TULP4: variants seen among roughly 807,000 people sequenced by gnomAD.
The protein encoded by TULP4 is TUB like protein 4.
Under a neutral mutation model 129.0 loss-of-function variants are expected in TULP4, and 16 were observed. That is an observed-to-expected ratio of 0.12 (90% CI 0.08 to 0.19). The LOEUF (loss-of-function observed/expected upper bound fraction) is 0.19. TULP4 is among the 10% of genes least tolerant of loss of function. The pLI is 1.00. For missense variants in TULP4, 1,842 were observed against 2,059.1 expected (o/e 0.89, Z 2.04); for synonymous variants, 998 against 854.0 (o/e 1.17, Z -2.94).
At chr6:158,318,447 C>G (rs1779542152) in intron 1 of TULP4, among the ~76,000 whole-genome samples, 1 of 152,192 alleles carries the variant, frequency 6.6e-6, no homozygotes, top group Admixed American at 6.5e-5. Flanking sequence ...CATCCTACTG[C>G]CCAGTGCCTG....
chr6:158,506,729 G>T lies in TULP4; in HGVS notation c.*35G>T, dbSNP rs1013663745. 6.9e-7 allele frequency: 1 copy of T among 1,444,102 alleles called. No individual in the cohort carries two copies. Among genetic ancestry groups the T allele is most frequent in the Non-Finnish European group, 9.7e-7 (1 of 1,026,674 alleles). The allele number at this position is 1,444,102 out of a possible 1,614,324, so 89.5% of individuals were successfully genotyped here. ...TGTGGGGAGGAGAGAGATGCAGAGA[G>T]CCTTTGGAAGAGGTCTTCGGAGATG... On this transcript the variant is annotated 3_prime_UTR_variant, in exon 14 of 14. Transcript: ENST00000367097.
At chr6:158,491,562 G>A (rs936591645) in intron 9 of TULP4, among the ~76,000 whole-genome samples, 2 of 151,228 alleles carry the variant, frequency 1.3e-5, no homozygotes, top group Admixed American at 6.6e-5. Context: ...GCATGATCTC[G>A]GCTCACTGCA....
intron 1 of TULP4, among the ~76,000 whole-genome samples, chr6:158,383,524 A>G (rs1454378953): frequency 6.6e-6 from 1 of 152,266 alleles, no homozygotes; most frequent in Non-Finnish European, 1.5e-5. Flanking sequence ...GTGGATAACT[A>G]TAAGGAGATG....
chr6:158,495,840 CAA>C (rs1011032076), intron 11 of TULP4, among the ~76,000 whole-genome samples: 6 of 142,532 alleles, frequency 4.2e-5, no homozygotes, highest in African/African-American at 1.6e-4. Flanking sequence ...AACTACGTCT[CAA>C]GAAAAAAAAA....
chr6:158,392,250 G>A (rs748473983), intron 1 of TULP4, among the ~76,000 whole-genome samples: 28 of 152,086 alleles, frequency 1.8e-4, no homozygotes, highest in Admixed American at 3.3e-4. Context: ...TCACTATCAC[G>A]ACAACAGCAT....
chr6:158,257,121 G>C (rs182450458), intron 1 of TULP4, among the ~76,000 whole-genome samples: 1 of 152,298 alleles, frequency 6.6e-6, no homozygotes, highest in East Asian at 1.9e-4. Flanking sequence ...GTAGGTTGGA[G>C]AAAATGGACT....
At chr6:158,331,519 C>T (rs987186000) in intron 1 of TULP4, among the ~76,000 whole-genome samples, 1 of 151,414 alleles carries the variant, frequency 6.6e-6, no homozygotes, top group Non-Finnish European at 1.5e-5. Flanking sequence ...TATTTTCTAG[C>T]TTAACAAGAT....
chr6:158,307,381 A>T (rs1170416431), intron 1 of TULP4, among the ~76,000 whole-genome samples: 1 of 152,236 alleles, frequency 6.6e-6, no homozygotes, highest in Non-Finnish European at 1.5e-5. Flanking sequence ...AACAAGTGGT[A>T]GTTTCTCAAA....
intron 6 of TULP4, among the ~76,000 whole-genome samples, chr6:158,467,834 C>T (rs186051136): frequency 2.9e-4 from 44 of 152,310 alleles, no homozygotes; most frequent in Non-Finnish European, 5.0e-4. Flanking sequence ...CTTTGCACCA[C>T]GCCTGGAACA....
intron 1 of TULP4, among the ~76,000 whole-genome samples, chr6:158,342,829 C>T (rs755990477): frequency 2.6e-5 from 4 of 152,044 alleles, no homozygotes; most frequent in Admixed American, 2.0e-4. Flanking sequence ...AGGATTAAGT[C>T]GAATAATGTA....
At chr6:158,353,185 C>G (rs1185399088) in intron 1 of TULP4, among the ~76,000 whole-genome samples, 1 of 152,214 alleles carries the variant, frequency 6.6e-6, no homozygotes, top group Non-Finnish European at 1.5e-5. Flanking sequence ...GTCTCCCAGT[C>G]CCTGCCTCTA....
Position 158,504,513 on chromosome 6 carries a change from A to ATTTT in TULP4, c.4515+348_4515+351dup, listed in dbSNP as rs769598967. On this transcript the variant is annotated intron_variant, in intron 13 of 13. Transcript: ENST00000367097. ...ACGTGCCCGCCACCATGCCCGGCTA[A>ATTTT]TTTTTTTTTTTTTTTTGTATTTTTA... Among the ~76,000 whole-genome samples the ATTTT allele has an allele frequency of 1.7e-3, 232 of 138,930 alleles. 1 individual carries two copies. The highest frequency in any genetic ancestry group is 3.9e-3 in the African/African-American group (147 of 37,526). The allele number at this position is 138,930 out of a possible 152,430, so 91.1% of individuals were successfully genotyped here. A position where few individuals can be genotyped will look rare whatever the true frequency, so the allele number is the denominator to read the frequency against.
chr6:158,410,470 T>C (rs1011473594), intron 1 of TULP4, among the ~76,000 whole-genome samples: 2 of 152,216 alleles, frequency 1.3e-5, no homozygotes, highest in Admixed American at 6.5e-5. Context: ...TCATTGGTAT[T>C]ACATTTAAAT....
At chr6:158,492,639 G>T (rs1015024558) in intron 9 of TULP4, among the ~76,000 whole-genome samples, 6 of 151,956 alleles carry the variant, frequency 3.9e-5, no homozygotes, top group African/African-American at 1.5e-4. Flanking sequence ...TCCCCATTTG[G>T]ACCCTCCACA....
intron 1 of TULP4, among the ~76,000 whole-genome samples, chr6:158,330,587 A>G (rs1779854742): frequency 1.3e-5 from 2 of 152,202 alleles, no homozygotes; most frequent in South Asian, 2.1e-4. Flanking sequence ...TTCAATGTGT[A>G]TTTCCTAAGA....
At chr6:158,270,232 A>G (rs1415880974) in intron 1 of TULP4, among the ~76,000 whole-genome samples, 1 of 152,174 alleles carries the variant, frequency 6.6e-6, no homozygotes, top group Non-Finnish European at 1.5e-5. Context: ...TTTTGTCAGT[A>G]AATTGTCCTT....
At chr6:158,274,086 C>T (rs977565506) in intron 1 of TULP4, among the ~76,000 whole-genome samples, 3 of 151,412 alleles carry the variant, frequency 2.0e-5, no homozygotes, top group African/African-American at 4.9e-5. Flanking sequence ...AGTGAAACCC[C>T]ATCTGTACTA....
intron 1 of TULP4, among the ~76,000 whole-genome samples, chr6:158,325,032 TAATA>T (rs1365122286): frequency 6.6e-6 from 1 of 152,208 alleles, no homozygotes; most frequent in Non-Finnish European, 1.5e-5. Context: ...TAAACAATAG[TAATA>T]AATGTTTGTG....
At chr6:158,471,192 G>A (rs944437273) in intron 6 of TULP4, among the ~76,000 whole-genome samples, 14 of 143,862 alleles carry the variant, frequency 9.7e-5, no homozygotes, top group African/African-American at 3.9e-4. Context: ...CACACTACAG[G>A]ACAATGCCTG....
Sources: gnomAD v4.1 joint callset for allele counts (sites outside exome capture counted in the v4.1 genomes callset) on GRCh38, gnomAD v4.1.1 for gene constraint, MANE v1.5 for transcripts, NCBI Gene and HGNC (gene_info 2026-07-23, HGNC 2026-07-21) for gene names.